CEP290: variants seen among roughly 807,000 people sequenced by gnomAD.
The protein encoded by CEP290 is centrosomal protein 290.
CEP290 carries 317 observed loss-of-function variants against 344.9 expected under a neutral mutation model. The observed-to-expected ratio is 0.92, with a 90% CI of 0.84 to 1.01. CEP290 has a LOEUF of 1.01. Among genes scored for constraint, CEP290 ranks in the 50% least tolerant of loss-of-function variants. The pLI, the probability that CEP290 is intolerant of heterozygous loss-of-function variation, is 0.00. For missense variants in CEP290, 2,754 were observed against 2,761.4 expected (o/e 1.00, Z 0.06); for synonymous variants, 932 against 895.8 (o/e 1.04, Z -0.72).
chr12:88,132,927 C>T (rs2040157515), intron 6 of CEP290, among the ~76,000 whole-genome samples: 1 of 152,092 alleles, frequency 6.6e-6, no homozygotes, highest in African/African-American at 2.4e-5. Context: ...TGTTCCCCAC[C>T]ATGTGTCCAT....
intron 39 of CEP290, among the ~76,000 whole-genome samples, chr12:88,078,121 GA>G (rs757337419): frequency 9.3e-4 from 104 of 111,494 alleles, no homozygotes; most frequent in East Asian, 1.9e-3. Flanking sequence ...TCGACTTTGA[GA>G]AAAAAAAAAA....
chr12:88,060,016 T>G lies in CEP290; in HGVS notation c.6527A>C (p.Glu2176Ala), dbSNP rs2034343389. ...IEQENEKLKA[E>A]LEKLKAHLGH... ...AAGATGAGCTTTAAGTTTTTCTAAT[T>G]CAGCCTAGTAAAAAAACAAACAAAA... is the stretch of plus-strand genomic sequence containing the variant. Residue 2176 changes from glutamate (E) to alanine (A), a missense_variant, in exon 48 of 54, where the codon GAA becomes GCA. Transcript: ENST00000552810. The G allele has an allele frequency of 1.3e-6, 2 of 1,546,004 alleles. No individual in the cohort carries two copies. Among genetic ancestry groups the G allele is most frequent in the Non-Finnish European group, 1.7e-6 (2 of 1,149,168 alleles).
chr12:88,124,197 A>C (rs2039589663), intron 13 of CEP290, among the ~76,000 whole-genome samples: 1 of 152,104 alleles, frequency 6.6e-6, no homozygotes, highest in Non-Finnish European at 1.5e-5. Flanking sequence ...CCAAGTCTGC[A>C]CAATGAACTA....
At chr12:88,140,821 A>C (rs1403119401) in intron 3 of CEP290, 135 bp downstream of exon 3, 3 of 596,548 alleles carry the variant, frequency 5.0e-6, no homozygotes, top group South Asian at 2.3e-5. Context: ...CTTAATTCAC[A>C]TTTAAATATA....
chr12:88,141,427 A>C (rs2040655674), intron 1 of CEP290, 93 bp from the exon 2 acceptor site: 1 of 585,834 alleles, frequency 1.7e-6, no homozygotes, highest in African/African-American at 2.0e-5. Flanking sequence ...ATTTCATTAT[A>C]ACTTTCTGAT....
At chr12:88,141,665 G>A (rs892856030) in intron 1 of CEP290, among the ~76,000 whole-genome samples, 33 of 152,214 alleles carry the variant, frequency 2.2e-4, no homozygotes, top group African/African-American at 7.5e-4. Flanking sequence ...GAGGGTCTGT[G>A]GAAGGCCGAC....
intron 37 of CEP290, among the ~76,000 whole-genome samples, chr12:88,081,254 A>G (rs1302955494): frequency 6.6e-6 from 1 of 152,202 alleles, no homozygotes; most frequent in Non-Finnish European, 1.5e-5. Context: ...CTGATCCTCT[A>G]TATTTGAGAA....
At chr12:88,084,200 T>A (rs1043309954) in intron 35 of CEP290, among the ~76,000 whole-genome samples, 3 of 152,142 alleles carry the variant, frequency 2.0e-5, no homozygotes, top group African/African-American at 7.2e-5. Context: ...TATCATCTTT[T>A]AACTTACTTC....
intron 27 of CEP290, among the ~76,000 whole-genome samples, chr12:88,095,072 TA>T (rs2037332056): frequency 6.6e-6 from 1 of 152,130 alleles, no homozygotes; most frequent in South Asian, 2.1e-4. Context: ...AAAGCATTAG[TA>T]AATCAGTTCA....
At chr12:88,115,612 T>C in intron 18 of CEP290, 1 of 1,182,120 alleles carries the variant, frequency 8.5e-7, no homozygotes, top group Non-Finnish European at 1.1e-6. Context: ...AATGAGTTCA[T>C]ATCAATGTAC....
intron 19 of CEP290, 125 bp from the exon 20 acceptor site, chr12:88,114,687 CA>C (rs2038932321): frequency 1.2e-6 from 1 of 845,180 alleles, no homozygotes; most frequent in Non-Finnish European, 1.7e-6. Flanking sequence ...TGTAAATAAA[CA>C]TACAAAAAAA....
intron 32 of CEP290, 34 bp from the exon 33 acceptor site, chr12:88,086,532 A>C: frequency 6.8e-7 from 1 of 1,465,352 alleles, no homozygotes; most frequent in Non-Finnish European, 9.4e-7. Flanking sequence ...AGACACATAC[A>C]CGAAGACATC....
At chr12:88,073,467 T>C (rs2035531011) in intron 41 of CEP290, among the ~76,000 whole-genome samples, 1 of 152,242 alleles carries the variant, frequency 6.6e-6, no homozygotes, top group Non-Finnish European at 1.5e-5. Context: ...TCCTTTTATG[T>C]TCCCCCTATA....
At chr12:88,100,317 A>G (rs11104736) in intron 26 of CEP290, among the ~76,000 whole-genome samples, 12,794 of 151,850 alleles carry the variant, frequency 0.084, 736 homozygotes, top group Non-Finnish European at 0.12. Flanking sequence ...TTCTACCTCA[A>G]TCTACATCTA....
At chr12:88,084,459 A>T (rs752413722) in intron 35 of CEP290, 127 bp downstream of exon 35, 1 of 875,116 alleles carries the variant, frequency 1.1e-6, no homozygotes, top group Non-Finnish European at 1.8e-6. Context: ...ATCACATGCA[A>T]GTAACAATTC....
intron 29 of CEP290, among the ~76,000 whole-genome samples, chr12:88,091,384 A>G (rs2037026698): frequency 7.7e-6 from 1 of 130,066 alleles, no homozygotes; most frequent in African/African-American, 2.8e-5. Flanking sequence ...GAAACAAAAC[A>G]TGCATTTAAT....
At chr12:88,075,944 C>G (rs1410587182) in intron 41 of CEP290, among the ~76,000 whole-genome samples, 2 of 151,998 alleles carry the variant, frequency 1.3e-5, no homozygotes, top group African/African-American at 4.8e-5. Flanking sequence ...TAGTATTATT[C>G]CCACTTTAAG....
At position 88,077,288 on chromosome 12, in the gene CEP290, A is replaced by G. The variant is rs1306656562; in HGVS notation, c.5643T>C (p.Val1881=). 3 of 1,602,564 alleles carry G rather than the reference A, an allele frequency of 1.9e-6. No homozygotes were observed. The highest frequency in any genetic ancestry group is 2.6e-6 in the Non-Finnish European group (3 of 1,174,804). ...CCTCTAATTGGTTCTCTAGTTTTTTAACTTTCCTTTGGAGTTCTTCAATTA... is the reference window on the plus strand; with the variant it reads ...CCTCTAATTGGTTCTCTAGTTTTTTGACTTTCCTTTGGAGTTCTTCAATTA... ...QSLIEELQRK[V]KKLENQLEGK... The change falls in exon 41 of 54, where the codon GTT becomes GTC. Residue 1881 remains valine, a synonymous_variant. Transcript: ENST00000552810.
At chr12:88,114,651 C>G (rs1194619074) in intron 19 of CEP290, 89 bp from the exon 20 acceptor site, 3 of 1,055,830 alleles carry the variant, frequency 2.8e-6, no homozygotes, top group Non-Finnish European at 3.9e-6. Context: ...TCACATATAC[C>G]AAAGACATCA....
Sources: allele counts gnomAD v4.1 joint callset (sites outside exome capture counted in the v4.1 genomes callset), GRCh38; gene constraint gnomAD v4.1.1; transcripts MANE v1.5; gene names NCBI Gene and HGNC (gene_info 2026-07-23, HGNC 2026-07-21).